Variants in OPRK1 observed in about 807,000 individuals in gnomAD.
OPRK1 encodes the protein opioid receptor kappa 1, also known as kappa-type opioid receptor.
OPRK1 carries 15 observed loss-of-function variants against 24.5 expected under a neutral mutation model. That is an observed-to-expected ratio of 0.61 (90% CI 0.41 to 0.94). The LOEUF is 0.94. OPRK1 is among the 40% of genes least tolerant of loss of function. OPRK1 has a pLI of 0.00. For missense variants in OPRK1, 479 were observed against 507.3 expected, an observed-to-expected ratio of 0.94 and a Z score of 0.54; for synonymous variants, 205 against 198.0, an observed-to-expected ratio of 1.04 and a Z score of -0.30.
At chr8:53,230,281 GAATTTAACA>G (rs1255684154) in intron 3 of OPRK1, among the ~76,000 whole-genome samples, 1 of 152,064 alleles carries the variant, frequency 6.6e-6, no homozygotes, top group African/African-American at 2.4e-5. Context: ...TCTAGCCACT[GAATTTAACA>G]AAAGCCAACT....
intron 2 of OPRK1, among the ~76,000 whole-genome samples, chr8:53,248,937 T>C (rs1044290581): frequency 6.6e-6 from 1 of 152,228 alleles, no homozygotes; most frequent in African/African-American, 2.4e-5. Flanking sequence ...CTTATCCCCT[T>C]ATAACACACT....
chr8:53,240,031 G>A (rs574691645), intron 2 of OPRK1, among the ~76,000 whole-genome samples: 15 of 152,132 alleles, frequency 9.9e-5, no homozygotes, highest in Non-Finnish European at 1.8e-4. Flanking sequence ...TGATGAGGAC[G>A]GTCAAGTATG....
rs1806781547 is a variant in OPRK1 at position 53,228,920 on chromosome 8, GT to G, written c.*376del. On this transcript the variant is annotated 3_prime_UTR_variant, in exon 4 of 4. Coordinates refer to ENST00000265572, the MANE Select transcript of OPRK1 (RefSeq NM_000912.5). The stretch of plus-strand genomic sequence containing the variant: ...ATGCCCATTGAGCTCTGAAAGCAAT[GT>G]TTTTTCTTTTCCTTTTTTCTTAAAC... 5.9e-6 allele frequency: 1 copy of G among 168,384 alleles called. No homozygotes were observed. The highest frequency in any genetic ancestry group is 1.3e-5 in the Non-Finnish European group (1 of 77,802). The allele number at this position is 168,384 out of a possible 1,614,324, so 10.4% of individuals were successfully genotyped here.
At chr8:53,240,171 AG>A (rs1176574157) in intron 2 of OPRK1, among the ~76,000 whole-genome samples, 3 of 152,208 alleles carry the variant, frequency 2.0e-5, no homozygotes, top group Non-Finnish European at 2.9e-5. Flanking sequence ...ATTTTTCCAT[AG>A]GCCCATTTTT....
intron 2 of OPRK1, among the ~76,000 whole-genome samples, chr8:53,246,694 G>A (rs1269601399): frequency 6.6e-6 from 1 of 152,154 alleles, no homozygotes; most frequent in East Asian, 1.9e-4. Flanking sequence ...CAGGGAGGAT[G>A]GCTGCCAAAG....
chr8:53,239,083 G>T (rs1290192612), intron 2 of OPRK1, among the ~76,000 whole-genome samples: 1 of 152,110 alleles, frequency 6.6e-6, no homozygotes, highest in Non-Finnish European at 1.5e-5. Flanking sequence ...CACACTTTCA[G>T]TTGCACTGAT....
At chr8:53,251,153 TG>T in intron 1 of OPRK1, 68 bp from the exon 2 acceptor site, 1 of 1,391,164 alleles carries the variant, frequency 7.2e-7, no homozygotes, top group Non-Finnish European at 9.3e-7. Context: ...CCAGCGGCGC[TG>T]GGGACCCGGA....
At chr8:53,241,869 T>G (rs1002057076) in intron 2 of OPRK1, among the ~76,000 whole-genome samples, 17 of 152,220 alleles carry the variant, frequency 1.1e-4, no homozygotes, top group African/African-American at 4.1e-4. Context: ...CGGGGAGCGA[T>G]GATTCCGCGG....
intron 2 of OPRK1, among the ~76,000 whole-genome samples, chr8:53,240,554 T>C (rs1036280378): frequency 6.6e-6 from 1 of 152,014 alleles, no homozygotes; most frequent in Non-Finnish European, 1.5e-5. Context: ...TCTTCACAAA[T>C]GATGGAAGAT....
rs956739608 is a variant in OPRK1, at chr8:53,229,749, A to G, written c.691T>C (p.Phe231Leu). 14 of 1,613,870 alleles carry G rather than the reference A, an allele frequency of 8.7e-6. No individual in the cohort carries two copies. Among genetic ancestry groups the G allele is most frequent in the Non-Finnish European group, 1.2e-5 (14 of 1,179,910 alleles). ...WWDLFMKICV[F>L]IFAFVIPVLI... ...ACAGGGATCACGAAGGCAAAGATGAAGACGCAGATCTTCATGAAGAGGTCC... is the reference window on the plus strand; with the variant it reads ...ACAGGGATCACGAAGGCAAAGATGAGGACGCAGATCTTCATGAAGAGGTCC... Residue 231 changes from phenylalanine to leucine, a missense_variant, in exon 4 of 4, where the codon TTC (phenylalanine) becomes CTC (leucine). Physicochemically the swap from Phe to Leu is conservative, Grantham distance 22. Coordinates refer to ENST00000265572, the MANE Select transcript of OPRK1 (RefSeq NM_000912.5).
intron 2 of OPRK1, among the ~76,000 whole-genome samples, chr8:53,240,172 G>T (rs1249456474): frequency 6.6e-6 from 1 of 152,164 alleles, no homozygotes; most frequent in Non-Finnish European, 1.5e-5. Context: ...TTTTTCCATA[G>T]GCCCATTTTT....
intron 3 of OPRK1, 62 bp downstream of exon 3, chr8:53,234,697 A>C: frequency 1.4e-6 from 2 of 1,442,422 alleles, no homozygotes; most frequent in Non-Finnish European, 1.9e-6. Flanking sequence ...TCACGCTCAA[A>C]TTAAAAGTCT....
chr8:53,231,045 CA>C, intron 3 of OPRK1, among the ~76,000 whole-genome samples: 1 of 151,992 alleles, frequency 6.6e-6, no homozygotes, highest in Non-Finnish European at 1.5e-5. Flanking sequence ...ACATTTTTGA[CA>C]ATTAATAAAG....
chr8:53,229,572 TG>T lies in OPRK1; in HGVS notation c.867del (p.Ile290PhefsTer29). ...VVAVFVVCWT[P>X]IHIFILVEAL... ...GCCTCCACCAGGATGAATATGTGAA[TG>T]GGAGTCCAGCAGACGACGAAGACTG... On this transcript the variant is annotated frameshift_variant, in exon 4 of 4. Transcript: ENST00000265572. LOFTEE classifies it high-confidence loss of function. The T allele has an allele frequency of 6.2e-7, 1 of 1,614,098 alleles. No individual in the cohort carries two copies.
At chr8:53,250,726 GA>G in intron 2 of OPRK1, 54 bp downstream of exon 2, 1 of 1,506,574 alleles carries the variant, frequency 6.6e-7, no homozygotes, top group Non-Finnish European at 8.9e-7. Flanking sequence ...GGCGGGGCCT[GA>G]CCCTCACTCC....
chr8:53,238,493 G>T, intron 2 of OPRK1: 1 of 970,002 alleles, frequency 1.0e-6, no homozygotes, highest in Non-Finnish European at 1.2e-6. Context: ...GGGAAGCAAG[G>T]GGCAGGCCGG....
chr8:53,243,773 T>C (rs1344653661), intron 2 of OPRK1, among the ~76,000 whole-genome samples: 3 of 152,190 alleles, frequency 2.0e-5, no homozygotes, highest in African/African-American at 4.8e-5. Flanking sequence ...TTAAAGAAAA[T>C]GTTTAAAGAC....
intron 2 of OPRK1, among the ~76,000 whole-genome samples, chr8:53,236,165 A>G (rs1806991271): frequency 6.6e-6 from 1 of 152,230 alleles, no homozygotes; most frequent in Non-Finnish European, 1.5e-5. Context: ...ACATTTCATG[A>G]TAGAACAGAA....
intron 2 of OPRK1, among the ~76,000 whole-genome samples, chr8:53,248,019 A>AAG (rs1807275491): frequency 2.8e-5 from 4 of 141,822 alleles, no homozygotes; most frequent in Non-Finnish European, 4.6e-5. Flanking sequence ...AAAAAAAAAA[A>AAG]GAATCCTGAG....
Sources: allele counts gnomAD v4.1 joint callset (sites outside exome capture counted in the v4.1 genomes callset), GRCh38; gene constraint gnomAD v4.1.1; transcripts MANE v1.5; gene names NCBI Gene and HGNC (gene_info 2026-07-23, HGNC 2026-07-21).